CAPZB: variants seen among roughly 807,000 people sequenced by gnomAD.
The protein encoded by CAPZB is capping actin protein of muscle Z-line subunit beta.
CAPZB carries 2 observed loss-of-function variants against 38.1 expected under a neutral mutation model. The ratio of observed to expected loss-of-function variants is 0.05; its 90% CI spans 0.02 to 0.17. The LOEUF is 0.17. CAPZB is among the 10% of genes least tolerant of loss of function. CAPZB has a pLI of 1.00. For missense variants in CAPZB, 161 were observed against 334.2 expected (o/e 0.48, Z 4.04); for synonymous variants, 107 against 127.4 (o/e 0.84, Z 1.08).
chr1:19,427,243 T>C (rs1377847934), intron 1 of CAPZB, among the ~76,000 whole-genome samples: 1 of 152,234 alleles, frequency 6.6e-6, no homozygotes, highest in East Asian at 1.9e-4. Context: ...CCTGCTGTAG[T>C]GGCTGGTTAA....
rs71008151 is a variant in CAPZB, at chr1:19,366,283, A to AATAAATATATATAT, written c.330-8721_330-8720insATATATATATTTAT. Among the ~76,000 whole-genome samples the AATAAATATATATAT allele has an allele frequency of 1.2e-3, 74 of 60,494 alleles. 2 individuals are homozygous for AATAAATATATATAT. The highest frequency in any genetic ancestry group is 1.5e-3 in the Non-Finnish European group (43 of 28,992). The allele number at this position is 60,494 out of a possible 152,430, so 39.7% of individuals were successfully genotyped here. A position where few individuals can be genotyped will look rare whatever the true frequency, so the allele number is the denominator to read the frequency against. On this transcript the variant is annotated intron_variant, in intron 4 of 8. Coordinates refer to ENST00000264202, the MANE Select transcript of CAPZB (RefSeq NM_004930.5). ...GCAACATAGTGAGACCGTGTCTTAA[A>AATAAATATATATAT]ATATATATATATATATATATATATA...
chr1:19,466,931 T>G (rs909735725), intron 1 of CAPZB, among the ~76,000 whole-genome samples: 3 of 152,014 alleles, frequency 2.0e-5, no homozygotes, highest in Non-Finnish European at 2.9e-5. Context: ...AGAGAGGGTG[T>G]TGTTCTGTCA....
At chr1:19,451,210 C>A (rs906096558) in intron 1 of CAPZB, among the ~76,000 whole-genome samples, 6 of 152,158 alleles carry the variant, frequency 3.9e-5, no homozygotes, top group Non-Finnish European at 7.3e-5. Context: ...TCAACCTCAG[C>A]AGTTGAGTTG....
chr1:19,373,625 G>A (rs934654675), intron 4 of CAPZB, among the ~76,000 whole-genome samples: 1 of 152,040 alleles, frequency 6.6e-6, no homozygotes, highest in Non-Finnish European at 1.5e-5. Flanking sequence ...CATGCTCTAG[G>A]TCTCTGGACC....
At chr1:19,391,595 G>A (rs1284403722) in intron 2 of CAPZB, among the ~76,000 whole-genome samples, 1 of 152,164 alleles carries the variant, frequency 6.6e-6, no homozygotes, top group African/African-American at 2.4e-5. Context: ...CATTTCAAGT[G>A]GCACATACAC....
chr1:19,339,415 G>T lies in CAPZB; in HGVS notation c.*115C>A. 1 of 792,576 alleles carries T rather than the reference G, an allele frequency of 1.3e-6. No individual in the cohort carries two copies. 49.1% of individuals were successfully genotyped at this position (792,576 alleles called of 1,614,324 possible). On this transcript the variant is annotated 3_prime_UTR_variant, in exon 9 of 9. Transcript: ENST00000264202. ...ATGGCGCTGTGCGGTCAATGATGCA[G>T]CTGTTATGTGACCTGTCGGGGAGGG... is the stretch of plus-strand genomic sequence containing the variant.
chr1:19,352,371 A>G (rs2093996123), intron 6 of CAPZB, among the ~76,000 whole-genome samples: 1 of 152,236 alleles, frequency 6.6e-6, no homozygotes, highest in Admixed American at 6.5e-5. Flanking sequence ...TCATTTCTAA[A>G]TATTTAGAAG....
intron 2 of CAPZB, among the ~76,000 whole-genome samples, chr1:19,390,624 A>AAGTC (rs1488661089): frequency 3.3e-5 from 5 of 151,672 alleles, no homozygotes; most frequent in African/African-American, 1.2e-4. Flanking sequence ...CAGGAGCCAC[A>AAGTC]AGTCCTTCAC....
chr1:19,366,307 T>TATATATATATATATATATATATAA (rs1243032633), intron 4 of CAPZB, among the ~76,000 whole-genome samples: 1 of 74,166 alleles, frequency 1.3e-5, no homozygotes, highest in African/African-American at 5.1e-5. Context: ...TATATATATA[T>TATATATATATATATATATATATAA]ATAAATAAAA....
chr1:19,357,631 G>T lies in CAPZB; in HGVS notation c.330-68C>A. ...AGATCATCAGCCTGGGTCCCAGGCT[G>T]CTGCTCAGCAAAGATTCTGGGATTC... On this transcript the variant is annotated intron_variant, in intron 4 of 8. Coordinates refer to ENST00000264202, the MANE Select transcript of CAPZB (RefSeq NM_004930.5). The surrounding 1 kb of genome is among the most constrained non-coding windows in gnomAD (Gnocchi z 4.3). The T allele has an allele frequency of 6.5e-7, 1 of 1,531,570 alleles. No homozygotes were observed. Among genetic ancestry groups the T allele is most frequent in the Non-Finnish European group, 9.0e-7 (1 of 1,113,174 alleles). 94.9% of individuals were successfully genotyped at this position (1,531,570 alleles called of 1,614,324 possible).
At chr1:19,355,168 G>GT (rs1236205115) in intron 6 of CAPZB, among the ~76,000 whole-genome samples, 1 of 152,164 alleles carries the variant, frequency 6.6e-6, no homozygotes, top group Non-Finnish European at 1.5e-5. Flanking sequence ...AGATGTTGTT[G>GT]TAACTAGTAG....
intron 2 of CAPZB, among the ~76,000 whole-genome samples, chr1:19,407,752 C>G (rs1350374159): frequency 6.6e-6 from 1 of 152,166 alleles, no homozygotes; most frequent in Non-Finnish European, 1.5e-5. Context: ...CTTTCTCTCC[C>G]AGGGCTTCCG....
At chr1:19,341,353 C>T (rs2093927463) in intron 8 of CAPZB, among the ~76,000 whole-genome samples, 1 of 152,124 alleles carries the variant, frequency 6.6e-6, no homozygotes, top group Non-Finnish European at 1.5e-5. Flanking sequence ...GGCAAAGCAG[C>T]AGCGCACAGG....
chr1:19,478,907 C>T (rs1179797064), intron 1 of CAPZB, among the ~76,000 whole-genome samples: 2 of 152,164 alleles, frequency 1.3e-5, no homozygotes, highest in Non-Finnish European at 2.9e-5. Context: ...ATTAAAAAGT[C>T]ATCAGTCAAA....
At chr1:19,377,856 G>T (rs555755776) in intron 4 of CAPZB, among the ~76,000 whole-genome samples, 6 of 152,350 alleles carry the variant, frequency 3.9e-5, no homozygotes, top group South Asian at 2.1e-4. Context: ...AATCTCAACA[G>T]ATCTAGCAAA....
chr1:19,370,095 T>A (rs138612184), intron 4 of CAPZB, among the ~76,000 whole-genome samples: 49 of 152,288 alleles, frequency 3.2e-4, no homozygotes, highest in African/African-American at 1.2e-3. Flanking sequence ...GCTCCCAGAA[T>A]GACACCCAGA....
chr1:19,447,722 G>C (rs2100678273), intron 1 of CAPZB, among the ~76,000 whole-genome samples: 1 of 152,306 alleles, frequency 6.6e-6, no homozygotes, highest in South Asian at 2.1e-4. Flanking sequence ...CCTGGGAGCT[G>C]GTGGAGGAGG....
At chr1:19,405,872 G>C (rs1364143384) in intron 2 of CAPZB, among the ~76,000 whole-genome samples, 1 of 152,150 alleles carries the variant, frequency 6.6e-6, no homozygotes, top group Non-Finnish European at 1.5e-5. Context: ...AAAGGCAATG[G>C]GCCCATTAGG....
At chr1:19,378,992 G>A (rs964623977) in intron 3 of CAPZB, among the ~76,000 whole-genome samples, 2 of 152,092 alleles carry the variant, frequency 1.3e-5, no homozygotes, top group African/African-American at 4.8e-5. Context: ...GAGACAAGCA[G>A]ATCAAGCGCC....
Sources: allele counts gnomAD v4.1 joint callset (sites outside exome capture counted in the v4.1 genomes callset), GRCh38; gene constraint gnomAD v4.1.1; non-coding constraint Gnocchi (gnomAD v3.1); transcripts MANE v1.5; gene names NCBI Gene and HGNC (gene_info 2026-07-23, HGNC 2026-07-21).